Variants in UPP2 observed in about 807,000 individuals in gnomAD.
The protein encoded by UPP2 is uridine phosphorylase 2, also known as UPase 2.
In UPP2, 23 loss-of-function variants were observed where a neutral mutation model predicts 26.7. The ratio of observed to expected loss-of-function variants is 0.86; its 90% CI spans 0.62 to 1.22. The LOEUF (loss-of-function observed/expected upper bound fraction) is 1.22. Ranked by LOEUF, UPP2 falls within the 50% of genes most tolerant of loss-of-function variation. The probability of loss-of-function intolerance (pLI) is 0.00; values close to 1 mark genes in which losing one functional copy is unlikely to be tolerated. For missense variants in UPP2, 387 were observed against 396.7 expected (o/e 0.98, Z 0.21); for synonymous variants, 127 against 141.3 (o/e 0.90, Z 0.72).
At chr2:158,040,027 A>T (rs1415475610) in intron 3 of UPP2, among the ~76,000 whole-genome samples, 3 of 152,218 alleles carry the variant, frequency 2.0e-5, no homozygotes, top group Non-Finnish European at 4.4e-5. Flanking sequence ...TCCAAAAGGA[A>T]GCCTCCAGTA....
chr2:158,059,347 G>A (rs1161921148), intron 3 of UPP2, among the ~76,000 whole-genome samples: 1 of 152,216 alleles, frequency 6.6e-6, no homozygotes, highest in Non-Finnish European at 1.5e-5. Flanking sequence ...ACTAATGCCT[G>A]TCAGCCTTTC....
At chr2:158,051,201 G>GTGTGTA (rs1682152225) in intron 3 of UPP2, among the ~76,000 whole-genome samples, 2 of 144,096 alleles carry the variant, frequency 1.4e-5, no homozygotes, top group Admixed American at 6.9e-5. Flanking sequence ...GTGTGTGTAT[G>GTGTGTA]TGTGTATAAT....
At chr2:158,012,292 A>AG (rs1683593304) in intron 2 of UPP2, among the ~76,000 whole-genome samples, 1 of 75,486 alleles carries the variant, frequency 1.3e-5, no homozygotes. Context: ...TTTTTTTGAG[A>AG]GGGGGTCTCC....
chr2:158,028,172 T>A (rs1227469316), intron 3 of UPP2, among the ~76,000 whole-genome samples: 1 of 152,226 alleles, frequency 6.6e-6, no homozygotes, highest in Non-Finnish European at 1.5e-5. Context: ...TGGGTTTTTC[T>A]TTTTCTATCA....
chr2:158,106,768 T>C (rs1480195975), intron 2 of UPP2, among the ~76,000 whole-genome samples: 1 of 152,186 alleles, frequency 6.6e-6, no homozygotes, highest in African/African-American at 2.4e-5. Flanking sequence ...ATTTTAATTA[T>C]ATAAGCAATT....
intron 3 of UPP2, among the ~76,000 whole-genome samples, chr2:158,093,995 T>C (rs1284499230): frequency 2.7e-5 from 4 of 150,116 alleles, no homozygotes; most frequent in African/African-American, 9.7e-5. Context: ...ATATATTATA[T>C]ATACATATGA....
At chr2:158,079,657 A>AT (rs923412362) in intron 3 of UPP2, among the ~76,000 whole-genome samples, 39 of 151,788 alleles carry the variant, frequency 2.6e-4, no homozygotes, top group Non-Finnish European at 5.0e-4. Context: ...TCTTACATAC[A>AT]TTTTTTTCAA....
At chr2:158,101,555 A>T (rs1256983879), upstream of UPP2, among the ~76,000 whole-genome samples, 3 of 152,188 alleles carry the variant, frequency 2.0e-5, no homozygotes, top group Admixed American at 6.5e-5. Flanking sequence ...GGGGAACTGA[A>T]ATGTTTGAGA....
chr2:158,074,690 T>TATACACAC (rs1553467091), intron 3 of UPP2, among the ~76,000 whole-genome samples: 1 of 135,404 alleles, frequency 7.4e-6, no homozygotes, highest in Admixed American at 7.5e-5. Flanking sequence ...AAGACCTTCA[T>TATACACAC]ACACACACAC....
intron 6 of UPP2, among the ~76,000 whole-genome samples, chr2:158,124,285 G>C (rs923248850): frequency 1.3e-5 from 2 of 152,180 alleles, no homozygotes; most frequent in African/African-American, 4.8e-5. Flanking sequence ...GATGGGAGAA[G>C]AATGTGCCAC....
At chr2:158,126,521 C>G (rs1683697770) in intron 6 of UPP2, 1 of 152,202 alleles carries the variant, frequency 6.6e-6, no homozygotes, top group Non-Finnish European at 1.5e-5. Flanking sequence ...ATGCTGTCCC[C>G]TGGAAGATCA....
At chr2:158,036,491 T>C (rs1198779122) in intron 3 of UPP2, among the ~76,000 whole-genome samples, 2 of 152,216 alleles carry the variant, frequency 1.3e-5, no homozygotes, top group Non-Finnish European at 2.9e-5. Flanking sequence ...AGTGTGGGCC[T>C]ATTGTGTGCC....
chr2:158,004,389 A>G (rs1683457202), intron 2 of UPP2, among the ~76,000 whole-genome samples: 2 of 151,124 alleles, frequency 1.3e-5, no homozygotes, highest in South Asian at 4.2e-4. Flanking sequence ...AGTGGAGAGA[A>G]TAAGAAAAAA....
chr2:158,130,462 C>CA (rs11461708), intron 6 of UPP2, among the ~76,000 whole-genome samples: 15,783 of 75,758 alleles, frequency 0.21, 1,218 homozygotes, highest in African/African-American at 0.36. Flanking sequence ...AAAAAAAAAA[C>CA]AAAAAAAAAA....
intron 6 of UPP2, among the ~76,000 whole-genome samples, chr2:158,132,138 C>T (rs1158268859): frequency 6.6e-6 from 1 of 152,206 alleles, no homozygotes; most frequent in Non-Finnish European, 1.5e-5. Context: ...CTTCCATTTG[C>T]TTGTTTACCT....
intron 1 of UPP2, among the ~76,000 whole-genome samples, chr2:158,104,051 T>A (rs1373528056): frequency 6.6e-6 from 1 of 152,226 alleles, no homozygotes; most frequent in East Asian, 1.9e-4. Context: ...TGTTCCAATT[T>A]CTGAACAGTT....
At chr2:158,110,920 A>T (rs983851959) in intron 2 of UPP2, among the ~76,000 whole-genome samples, 1 of 152,142 alleles carries the variant, frequency 6.6e-6, no homozygotes, top group Non-Finnish European at 1.5e-5. Context: ...CCTTTGTCAG[A>T]TAAGTAGATT....
At chr2:158,053,147 G>A (rs1682186967) in intron 3 of UPP2, among the ~76,000 whole-genome samples, 1 of 152,214 alleles carries the variant, frequency 6.6e-6, no homozygotes, top group African/African-American at 2.4e-5. Context: ...GGTGGTAGAA[G>A]ACTTGGGTGT....
In UPP2 at chr2:158,106,186, C is replaced by A. The variant is rs149571410; in HGVS notation, c.150C>A (p.His50Gln). The change falls in exon 2 of 7, where the codon CAC becomes CAA. Residue 50 changes from histidine to glutamine, a missense_variant. Physicochemically the swap from His to Gln is conservative, Grantham distance 24. Transcript: ENST00000005756. The stretch of plus-strand genomic sequence containing the variant: ...ACTTGGATTTGGGAACAAAAACACA[C>A]AACCTACCAGCAATGTTTGGAGATG... ...LYHLDLGTKT[H>Q]NLPAMFGDVK... 1.6e-5 allele frequency: 26 copies of A among 1,612,300 alleles called. No individual in the cohort carries two copies. The highest frequency in any genetic ancestry group is 4.0e-5 in the African/African-American group (3 of 74,832).
Sources: allele counts gnomAD v4.1 joint callset (sites outside exome capture counted in the v4.1 genomes callset), GRCh38; gene constraint gnomAD v4.1.1; transcripts MANE v1.5; gene names NCBI Gene and HGNC (gene_info 2026-07-23, HGNC 2026-07-21).